Variants in CYP19A1 observed in about 807,000 individuals in gnomAD.
CYP19A1 encodes the protein cytochrome P450 family 19 subfamily A member 1.
In CYP19A1, 32 loss-of-function variants were observed where a neutral mutation model predicts 44.4. The observed-to-expected ratio is 0.72, with a 90% CI of 0.54 to 0.97. The LOEUF (loss-of-function observed/expected upper bound fraction) is 0.97. Among genes scored for constraint, CYP19A1 ranks in the 50% least tolerant of loss-of-function variants. CYP19A1 has a pLI of 0.00. For synonymous variants in CYP19A1, 212 were observed against 215.6 expected (o/e 0.98, Z 0.14); for missense variants, 598 against 637.8 (o/e 0.94, Z 0.67).
At chr15:51,305,216 A>G (rs1299316344) in intron 1 of CYP19A1, among the ~76,000 whole-genome samples, 1 of 151,948 alleles carries the variant, frequency 6.6e-6, no homozygotes, top group Non-Finnish European at 1.5e-5. Context: ...CTTCCTTTCA[A>G]TGTAGGATGT....
rs145167479 is a variant in CYP19A1, at chr15:51,242,851, A to G, written c.62T>C (p.Met21Thr). 19 of 1,600,918 alleles carry G rather than the reference A, an allele frequency of 1.2e-5. No individual in the cohort carries two copies. Among genetic ancestry groups the G allele is most frequent in the African/African-American group, 2.7e-5 (2 of 74,646 alleles). ...YNITSIVPEA[M>T]PAATMPVLLL... ...CAGGACTGGCATGGTGGCAGCAGGC[A>G]TGGCTTCAGGCACGATGCTGGTGAT... The change falls in exon 2 of 10, where the codon ATG (methionine) becomes ACG (threonine). Residue 21 changes from methionine (M) to threonine (T), a missense_variant. By Grantham distance (81) the Met-to-Thr change is moderately conservative. Coordinates refer to ENST00000396402, the MANE Select transcript of CYP19A1 (RefSeq NM_000103.4).
chr15:51,218,500 T>C (rs1010984325), intron 6 of CYP19A1, 41 bp downstream of exon 6: 17 of 1,583,646 alleles, frequency 1.1e-5, no homozygotes, highest in Non-Finnish European at 1.5e-5. Flanking sequence ...AAAAAACCAA[T>C]CCAATTGTAC....
At chr15:51,330,941 A>G (rs2036690964) in intron 1 of CYP19A1, among the ~76,000 whole-genome samples, 1 of 152,206 alleles carries the variant, frequency 6.6e-6, no homozygotes, top group Middle Eastern at 3.2e-3. Flanking sequence ...TGGGAGAAGA[A>G]GCTACATGGC....
At chr15:51,248,689 A>G (rs879707111) in intron 1 of CYP19A1, among the ~76,000 whole-genome samples, 6 of 152,144 alleles carry the variant, frequency 3.9e-5, no homozygotes, top group Non-Finnish European at 8.8e-5. Context: ...CCGCTTCTAG[A>G]ACAGTGTCCA....
At chr15:51,215,642 C>T (rs1196040741) in intron 7 of CYP19A1, 61 bp downstream of exon 7, 14 of 1,613,100 alleles carry the variant, frequency 8.7e-6, no homozygotes, top group Admixed American at 8.3e-5. Context: ...GGGATCTTTA[C>T]ACACCTCTAC....
intron 1 of CYP19A1, among the ~76,000 whole-genome samples, chr15:51,306,015 G>A (rs980135803): frequency 2.0e-5 from 3 of 152,162 alleles, no homozygotes; most frequent in Non-Finnish European, 4.4e-5. Flanking sequence ...TGGCTGGCTG[G>A]AGTCATTCTG....
chr15:51,233,127 T>C (rs1162231180), intron 3 of CYP19A1, among the ~76,000 whole-genome samples: 1 of 152,208 alleles, frequency 6.6e-6, no homozygotes, highest in East Asian at 1.9e-4. Flanking sequence ...GTCTTCTCAG[T>C]GAGGGCTGCC....
intron 1 of CYP19A1, among the ~76,000 whole-genome samples, chr15:51,277,552 A>G (rs2035358060): frequency 6.6e-6 from 1 of 152,254 alleles, no homozygotes; most frequent in South Asian, 2.1e-4. Flanking sequence ...TTAAAAAGCT[A>G]AAGTTTGAAA....
intron 1 of CYP19A1, among the ~76,000 whole-genome samples, chr15:51,287,241 G>C (rs952415706): frequency 6.6e-6 from 1 of 152,208 alleles, no homozygotes; most frequent in Non-Finnish European, 1.5e-5. Context: ...AGTCAAAACA[G>C]TGGAAAATAT....
In CYP19A1 at chr15:51,209,128, C is replaced by G. The variant is rs2030678436; in HGVS notation, c.*1680G>C. 1 of 152,146 alleles carries G rather than the reference C, an allele frequency of 6.6e-6. No individual in the cohort carries two copies. Among genetic ancestry groups the G allele is most frequent in the Non-Finnish European group, 1.5e-5 (1 of 68,028 alleles). 9.4% of individuals were successfully genotyped at this position (152,146 alleles called of 1,614,324 possible). ...ACGTATTCAGGTACACAGGCATAGT[C>G]CATATATTTTTAGGCCATATAGATG... On this transcript the variant is annotated 3_prime_UTR_variant, in exon 10 of 10. Transcript: ENST00000396402.
intron 4 of CYP19A1, among the ~76,000 whole-genome samples, chr15:51,223,589 T>TCACACACACA (rs1324311926): frequency 7.6e-5 from 5 of 66,180 alleles, no homozygotes; most frequent in African/African-American, 2.6e-4. Context: ...TCTCTCTCTC[T>TCACACACACA]CTCTCACACA....
At chr15:51,211,110 T>G in intron 9 of CYP19A1, 54 bp from the exon 10 acceptor site, 1 of 1,259,264 alleles carries the variant, frequency 7.9e-7, no homozygotes, top group South Asian at 1.2e-5. Flanking sequence ...AGTCACTCAG[T>G]CTCTGTTTGA....
intron 1 of CYP19A1, among the ~76,000 whole-genome samples, chr15:51,257,892 T>C (rs574917388): frequency 4.4e-4 from 67 of 152,248 alleles, no homozygotes; most frequent in Admixed American, 8.5e-4. Flanking sequence ...TAAATGTACA[T>C]GCATGCATAT....
At position 51,243,501 on chromosome 15, in the gene CYP19A1, T is replaced by G. The variant is rs187739710; in HGVS notation, c.-38-551A>C. Among the ~76,000 whole-genome samples, 9 of 152,308 alleles carry G rather than the reference T, an allele frequency of 5.9e-5. No individual in the cohort carries two copies. The East Asian group carries it at 1.7e-3, about 29-fold the overall frequency. On this transcript the variant is annotated intron_variant, in intron 1 of 9. Coordinates refer to ENST00000396402, the MANE Select transcript of CYP19A1 (RefSeq NM_000103.4). Reference sequence around the variant, plus strand: ...AGGTCTTCTCAGAGCCTTCCATCAGTTTGTCTATTGAATTCAAAGTGACTC... The same window carrying G: ...AGGTCTTCTCAGAGCCTTCCATCAGGTTGTCTATTGAATTCAAAGTGACTC...
chr15:51,241,479 C>A (rs1489088476), intron 2 of CYP19A1, among the ~76,000 whole-genome samples: 1 of 152,126 alleles, frequency 6.6e-6, no homozygotes, highest in African/African-American at 2.4e-5. Context: ...TGTCTGCTAA[C>A]ACAGACAAAT....
chr15:51,210,901 C>A lies in CYP19A1; in HGVS notation c.1419G>T (p.Lys473Asn). The A allele has an allele frequency of 6.3e-7, 1 of 1,597,380 alleles. No individual in the cohort carries two copies. The highest frequency in any genetic ancestry group is 8.6e-7 in the Non-Finnish European group (1 of 1,164,766). ...LQGQCVESIQKIHDLSLHPDE... is the reference protein window; with the variant it reads ...LQGQCVESIQNIHDLSLHPDE... ...CTGGGTGCAAGGACAAGTCGTGTAT[C>A]TTCTGTATGCTCTCAACACACTGTC... The change falls in exon 10 of 10, where the codon AAG becomes AAT. Residue 473 changes from lysine (K) to asparagine (N), a missense_variant. Physicochemically the swap from Lys to Asn is moderately conservative, Grantham distance 94. Transcript: ENST00000396402.
chr15:51,307,420 T>G (rs961316551), intron 1 of CYP19A1, among the ~76,000 whole-genome samples: 2 of 152,258 alleles, frequency 1.3e-5, no homozygotes, highest in Admixed American at 6.5e-5. Context: ...TTCTTTCTCT[T>G]TGCAGAAGAA....
chr15:51,312,382 C>G (rs2036329781), intron 1 of CYP19A1: 1 of 152,246 alleles, frequency 6.6e-6, no homozygotes, highest in East Asian at 1.9e-4. Flanking sequence ...TAGCATTTTA[C>G]AGTTTACAGA....
intron 1 of CYP19A1, among the ~76,000 whole-genome samples, chr15:51,331,985 C>G (rs2036709579): frequency 6.6e-6 from 1 of 151,780 alleles, no homozygotes; most frequent in African/African-American, 2.4e-5. Flanking sequence ...AAGCATATAA[C>G]TGTCTGCTTT....
Sources: allele counts gnomAD v4.1 joint callset (sites outside exome capture counted in the v4.1 genomes callset), GRCh38; gene constraint gnomAD v4.1.1; transcripts MANE v1.5; gene names NCBI Gene and HGNC (gene_info 2026-07-23, HGNC 2026-07-21).